Variants in DPYD observed in about 807,000 individuals in gnomAD.
The protein encoded by DPYD is dihydropyrimidine dehydrogenase [NADP(+)].
In DPYD, 109 loss-of-function variants were observed where a neutral mutation model predicts 116.2. That is an observed-to-expected ratio of 0.94 (90% CI 0.80 to 1.10). DPYD has a LOEUF of 1.10. Ranked by LOEUF, DPYD falls within the 50% of genes least tolerant of loss-of-function variation. The pLI is 0.00. For missense variants in DPYD, 1,302 were observed against 1,254.5 expected (o/e 1.04, Z -0.57); for synonymous variants, 440 against 432.0 (o/e 1.02, Z -0.23).
chr1:97,845,786 T>C (rs1458418137), intron 2 of DPYD, among the ~76,000 whole-genome samples: 1 of 152,166 alleles, frequency 6.6e-6, no homozygotes. Flanking sequence ...TCACATCCTC[T>C]TTGGGGCTCT....
At chr1:97,142,403 C>G (rs193005010) in intron 20 of DPYD, among the ~76,000 whole-genome samples, 30 of 152,160 alleles carry the variant, frequency 2.0e-4, no homozygotes, top group Non-Finnish European at 3.7e-4. Context: ...TATGGTTCTA[C>G]TACACATATA....
chr1:97,775,137 T>C (rs1380941978), intron 3 of DPYD: 2 of 154,866 alleles, frequency 1.3e-5, no homozygotes, highest in Admixed American at 1.3e-4. Context: ...AATTTCTAAA[T>C]TGTTTTCCAT....
intron 18 of DPYD, among the ~76,000 whole-genome samples, chr1:97,301,736 T>TA (rs78170842): frequency 0.23 from 35,521 of 151,860 alleles, 4,356 homozygotes; most frequent in Middle Eastern, 0.28. Flanking sequence ...AAGACATCTT[T>TA]AGCTTATGCC....
At chr1:97,846,766 T>C (rs1163065002) in intron 2 of DPYD, among the ~76,000 whole-genome samples, 1 of 152,238 alleles carries the variant, frequency 6.6e-6, no homozygotes, top group Non-Finnish European at 1.5e-5. Context: ...TGTAGCATCA[T>C]TGTCTTAAAA....
At chr1:97,108,676 C>G (rs1354400437) in intron 20 of DPYD, among the ~76,000 whole-genome samples, 1 of 151,940 alleles carries the variant, frequency 6.6e-6, no homozygotes, top group Non-Finnish European at 1.5e-5. Flanking sequence ...ATTAATAGAA[C>G]TAAAAATATT....
intron 3 of DPYD, chr1:97,774,889 GA>G: frequency 4.1e-6 from 1 of 244,608 alleles, no homozygotes; most frequent in South Asian, 5.8e-5. Context: ...ACATACAAGG[GA>G]AAAACCTTTT....
At chr1:97,165,636 A>G (rs1293831875) in intron 20 of DPYD, among the ~76,000 whole-genome samples, 1 of 152,166 alleles carries the variant, frequency 6.6e-6, no homozygotes, top group African/African-American at 2.4e-5. Context: ...TAAACAGAAA[A>G]CCTACAGAAT....
chr1:97,581,560 A>G (rs1653671262), intron 10 of DPYD, among the ~76,000 whole-genome samples: 1 of 151,456 alleles, frequency 6.6e-6, no homozygotes, highest in Admixed American at 6.6e-5. Flanking sequence ...TGGGTAAAAT[A>G]GAGAAACCTC....
intron 15 of DPYD, 103 bp from the exon 16 acceptor site, chr1:97,373,747 A>G: frequency 5.8e-6 from 6 of 1,033,400 alleles, no homozygotes; most frequent in Non-Finnish European, 8.9e-6. Context: ...AGTGTTAACT[A>G]TTCTGTTTTC....
intron 4 of DPYD, among the ~76,000 whole-genome samples, chr1:97,732,992 AC>A (rs1209753993): frequency 1.3e-5 from 2 of 152,164 alleles, no homozygotes; most frequent in Non-Finnish European, 2.9e-5. Flanking sequence ...AATATACTAC[AC>A]AGCAAAGAAA....
At chr1:97,535,483 A>G (rs1301649475) in intron 12 of DPYD, among the ~76,000 whole-genome samples, 2 of 152,050 alleles carry the variant, frequency 1.3e-5, no homozygotes, top group Non-Finnish European at 2.9e-5. Context: ...TAGATTCCCT[A>G]CGTATTGGAT....
chr1:97,366,894 T>C (rs1471237841), intron 16 of DPYD, among the ~76,000 whole-genome samples: 1 of 152,174 alleles, frequency 6.6e-6, no homozygotes, highest in Non-Finnish European at 1.5e-5. Context: ...GGATTTCTTA[T>C]ATTCCCAAAC....
At chr1:97,818,668 G>A (rs1668761527) in intron 3 of DPYD, among the ~76,000 whole-genome samples, 1 of 151,904 alleles carries the variant, frequency 6.6e-6, no homozygotes, top group South Asian at 2.1e-4. Flanking sequence ...GAAACTGAGT[G>A]TCAAATCTTG....
chr1:97,513,678 G>A lies in DPYD; in HGVS notation c.1740+2048C>T, dbSNP rs565777604. 1.3e-4 allele frequency among the ~76,000 whole-genome samples: 19 copies of A among 151,724 alleles called. No individual in the cohort carries two copies. The South Asian group carries it at 2.5e-3, about 20-fold the overall frequency. On this transcript the variant is annotated intron_variant, in intron 13 of 22. Coordinates refer to ENST00000370192, the MANE Select transcript of DPYD (RefSeq NM_000110.4). ...TAGTACATGTAATATTTTAATAGAC[G>A]TCTTTAGTAAAAGGCTGTGGGGAAA...
intron 6 of DPYD, among the ~76,000 whole-genome samples, chr1:97,692,358 T>C (rs184912959): frequency 6.0e-4 from 90 of 150,972 alleles, no homozygotes; most frequent in African/African-American, 2.1e-3. Flanking sequence ...GTGAAAGCAA[T>C]GAGTATTCCA....
chr1:97,288,439 A>C (rs1478617307), intron 18 of DPYD, among the ~76,000 whole-genome samples: 1 of 151,956 alleles, frequency 6.6e-6, no homozygotes, highest in African/African-American at 2.4e-5. Flanking sequence ...GTTGGAAGTA[A>C]AGCTCTCCTC....
chr1:97,706,394 T>C (rs1323465564), intron 5 of DPYD, among the ~76,000 whole-genome samples: 1 of 152,010 alleles, frequency 6.6e-6, no homozygotes, highest in East Asian at 1.9e-4. Flanking sequence ...TTTGAGTACA[T>C]TTATTACAAC....
intron 8 of DPYD, among the ~76,000 whole-genome samples, chr1:97,604,099 C>T (rs1276093319): frequency 2.0e-5 from 3 of 152,120 alleles, no homozygotes; most frequent in Non-Finnish European, 4.4e-5. Flanking sequence ...GCTTGTGACT[C>T]TCTTAGCTGC....
At chr1:97,810,819 A>G (rs1397340964) in intron 3 of DPYD, among the ~76,000 whole-genome samples, 1 of 152,218 alleles carries the variant, frequency 6.6e-6, no homozygotes, top group Non-Finnish European at 1.5e-5. Flanking sequence ...TACCTAGTAT[A>G]CGAAATACTC....
Sources: gnomAD v4.1 joint callset for allele counts (sites outside exome capture counted in the v4.1 genomes callset) on GRCh38, gnomAD v4.1.1 for gene constraint, MANE v1.5 for transcripts, NCBI Gene and HGNC (gene_info 2026-07-23, HGNC 2026-07-21) for gene names.